Variants in PEG3 observed in about 807,000 individuals in gnomAD.
PEG3 encodes paternally-expressed gene 3 protein.
A neutral mutation model predicts 35.5 loss-of-function variants in PEG3; 23 were observed. The observed-to-expected ratio is 0.65, with a 90% CI of 0.47 to 0.92. The LOEUF (loss-of-function observed/expected upper bound fraction) is 0.92. PEG3 is among the 40% of genes least tolerant of loss of function. The probability of loss-of-function intolerance (pLI) is 0.00; values close to 1 mark genes in which losing one functional copy is unlikely to be tolerated. For synonymous variants in PEG3, 707 were observed against 697.0 expected, an observed-to-expected ratio of 1.01 and a Z score of -0.23; for missense variants, 1,960 against 1,985.3, an observed-to-expected ratio of 0.99 and a Z score of 0.24.
chr19:56,818,746 C>T (rs781256905), intron 7 of PEG3, 44 bp from the exon 8 acceptor site: 11 of 1,598,078 alleles, frequency 6.9e-6, no homozygotes, highest in South Asian at 3.3e-5. Flanking sequence ...CTGTCCCCAC[C>T]GATGTTCAAA....
rs759967828 is a variant in PEG3, at chr19:56,823,697, G to A, written c.395-18C>T. ...GTTGTCGTCTAAGAGGACACCGGTC[G>A]CCAAGTTACTATCTCTGGCCCACAT... On this transcript the variant is annotated intron_variant, in intron 4 of 9. Coordinates refer to ENST00000326441, the MANE Select transcript of PEG3 (RefSeq NM_006210.3). The A allele has an allele frequency of 1.2e-5, 19 of 1,613,806 alleles. No homozygotes were observed. The highest frequency in any genetic ancestry group is 2.2e-5 in the South Asian group (2 of 91,080).
chr19:56,824,186 A>C (rs1173257510), intron 4 of PEG3, 76 bp downstream of exon 4: 3 of 1,559,484 alleles, frequency 1.9e-6, no homozygotes, highest in Non-Finnish European at 2.6e-6. Flanking sequence ...AGACCATGTC[A>C]GAAGTGTGGA....
rs1480362830 is a variant in PEG3 at position 56,835,241 on chromosome 19, C to T, written c.-163+777G>A. Among the ~76,000 whole-genome samples, 4 of 152,204 alleles carry T rather than the reference C, an allele frequency of 2.6e-5. No homozygotes were observed. In the East Asian group the frequency reaches 7.7e-4, roughly 29 times the overall value. On this transcript the variant is annotated intron_variant, in intron 2 of 9. Coordinates refer to ENST00000326441, the MANE Select transcript of PEG3 (RefSeq NM_006210.3). ...AACCACAAATCTGATTATCATGATA[C>T]TCCCATGGTTAAAAGCACTTCCCGC...
chr19:56,840,535 A>C (rs1601376954), intron 1 of PEG3, 47 bp downstream of exon 1: 1 of 152,244 alleles, frequency 6.6e-6, no homozygotes. Flanking sequence ...CGCGACACCA[A>C]GGTCCCGCGG....
Position 56,815,474 on chromosome 19 carries a change from TC to T in PEG3, c.2967del (p.Ile990PhefsTer155). On this transcript the variant is annotated frameshift_variant, in exon 10 of 10. Transcript: ENST00000326441. LOFTEE classifies it low-confidence loss of function (END_TRUNC). Reference protein sequence around the residue: ...AHSSDLTEHQKIHDREKPSGS... With the variant: ...AHSSDLTEHQXIHDREKPSGS... ...CCAGAGGGCTTCTCCCTATCATGAA[TC>T]TTCTGGTGCTCAGTGAGGTCAGAGC... 1 of 1,614,114 alleles carries T rather than the reference TC, an allele frequency of 6.2e-7. No individual in the cohort carries two copies. Among genetic ancestry groups the T allele is most frequent in the Non-Finnish European group, 8.5e-7 (1 of 1,179,998 alleles).
Position 56,817,179 on chromosome 19 carries a change from C to T in PEG3, c.1263G>A (p.Glu421=). 6.2e-7 allele frequency: 1 copy of T among 1,614,234 alleles called. No homozygotes were observed. Among genetic ancestry groups the T allele is most frequent in the Non-Finnish European group, 8.5e-7 (1 of 1,180,036 alleles). The part of the protein sequence containing the change: ...PRKKPFECGS[E]MRKAMSVSSL... ...TGCTCACGCTCATGGCTTTTCTCAT[C>T]TCACTACCACATTCAAAGGGCTTCT... The change falls in exon 10 of 10, where the codon GAG becomes GAA. Residue 421 remains glutamate (E), a synonymous_variant. Coordinates refer to ENST00000326441, the MANE Select transcript of PEG3 (RefSeq NM_006210.3).
chr19:56,832,799 A>C (rs1461614272), intron 2 of PEG3, among the ~76,000 whole-genome samples: 1 of 152,212 alleles, frequency 6.6e-6, no homozygotes, highest in African/African-American at 2.4e-5. Flanking sequence ...CTAGATGTCT[A>C]AACATGAAAC....
At chr19:56,823,193 G>A (rs2060669376) in intron 5 of PEG3, among the ~76,000 whole-genome samples, 1 of 152,086 alleles carries the variant, frequency 6.6e-6, no homozygotes, top group Admixed American at 6.5e-5. Context: ...CGATCTTAAA[G>A]TACACGTTAT....
rs550136201 is a variant in PEG3 at position 56,813,402 on chromosome 19, T to A, written c.*273A>T. The A allele has an allele frequency of 1.6e-6, 2 of 1,257,826 alleles. No individual in the cohort carries two copies. Among genetic ancestry groups the A allele is most frequent in the African/African-American group, 3.0e-5 (2 of 67,248 alleles). The allele number at this position is 1,257,826 out of a possible 1,614,324, so 77.9% of individuals were successfully genotyped here. A position where few individuals can be genotyped will look rare whatever the true frequency, so the allele number is the denominator to read the frequency against. On this transcript the variant is annotated 3_prime_UTR_variant, in exon 10 of 10. Coordinates refer to ENST00000326441, the MANE Select transcript of PEG3 (RefSeq NM_006210.3). ...GGGCAAACTCTGTAGTCTGGAATACTCATAGGGTTTTCTCAATCTGATTAC... is the reference window on the plus strand; with the variant it reads ...GGGCAAACTCTGTAGTCTGGAATACACATAGGGTTTTCTCAATCTGATTAC...
In PEG3 at chr19:56,822,943, A is replaced by G. The variant is rs2060640961; in HGVS notation, c.482-107T>C. On this transcript the variant is annotated intron_variant, in intron 5 of 9. Transcript: ENST00000326441. ...GAAAGAGATGCTACCCTCTTCCCAC[A>G]AGGAGATGGATCCAAAACAGAGAGC... is the stretch of plus-strand genomic sequence containing the variant. 4.9e-6 allele frequency: 7 copies of G among 1,432,926 alleles called. No homozygotes were observed. In the South Asian group the frequency reaches 8.8e-5, roughly 18 times the overall value. 88.8% of individuals were successfully genotyped at this position (1,432,926 alleles called of 1,614,324 possible). A position where few individuals can be genotyped will look rare whatever the true frequency, so the allele number is the denominator to read the frequency against.
chr19:56,829,641 A>G (rs1451090718), intron 2 of PEG3, among the ~76,000 whole-genome samples: 2 of 152,240 alleles, frequency 1.3e-5, no homozygotes, highest in African/African-American at 4.8e-5. Context: ...GGTGGGCCAT[A>G]TGCAATGAGG....
chr19:56,829,941 C>T (rs932155281), intron 2 of PEG3, among the ~76,000 whole-genome samples: 2 of 152,218 alleles, frequency 1.3e-5, no homozygotes, highest in Non-Finnish European at 1.5e-5. Context: ...ACAGAAGATA[C>T]GTGTTTGCAG....
chr19:56,827,888 A>G (rs988819302), intron 2 of PEG3, among the ~76,000 whole-genome samples: 4 of 152,220 alleles, frequency 2.6e-5, no homozygotes, highest in Non-Finnish European at 4.4e-5. Context: ...AGAAGGATAT[A>G]TAAGAGACTA....
rs750773551 is a variant in PEG3 at position 56,836,033 on chromosome 19, T to G, written c.-178A>C. 2.0e-6 allele frequency: 1 copy of G among 511,960 alleles called. No homozygotes were observed. Among genetic ancestry groups the G allele is most frequent in the Admixed American group, 2.0e-5 (1 of 50,784 alleles). The allele number at this position is 511,960 out of a possible 1,614,324, so 31.7% of individuals were successfully genotyped here. On this transcript the variant is annotated 5_prime_UTR_variant, in exon 2 of 10. Coordinates refer to ENST00000326441, the MANE Select transcript of PEG3 (RefSeq NM_006210.3). ...TTCAACTCACCTGGACCCAGCCACC[T>G]AGCGTTTGGACCTAGTCCCTCTTCC...
chr19:56,816,605 C>G lies in PEG3; in HGVS notation c.1837G>C (p.Ala613Pro), dbSNP rs779661784. Reference protein sequence around the residue: ...ERGETFRPSPALNEFQKMYGK... With the variant: ...ERGETFRPSPPLNEFQKMYGK... ...TACATTTTCTGAAACTCATTAAGGG[C>G]TGGGCTGGGCCTAAAGGTTTCCCCG... The change falls in exon 10 of 10, where the codon GCC (alanine) becomes CCC (proline). Residue 613 changes from alanine (A) to proline (P), a missense_variant. Physicochemically the swap from Ala to Pro is conservative, Grantham distance 27. This residue lies in a region of PEG3 where 798 missense variants were observed against 782.4 expected (regional missense o/e 1.02). Coordinates refer to ENST00000326441, the MANE Select transcript of PEG3 (RefSeq NM_006210.3). The G allele has an allele frequency of 1.2e-6, 2 of 1,613,792 alleles. No homozygotes were observed. Among genetic ancestry groups the G allele is most frequent in the African/African-American group, 1.3e-5 (1 of 74,916 alleles).
Position 56,836,044 on chromosome 19 carries a change from C to A in PEG3, c.-189G>T. On this transcript the variant is annotated 5_prime_UTR_variant, in exon 2 of 10. Coordinates refer to ENST00000326441, the MANE Select transcript of PEG3 (RefSeq NM_006210.3). Reference sequence around the variant, plus strand: ...TGGACCCAGCCACCTAGCGTTTGGACCTAGTCCCTCTTCCTCTCGCCAGTC... The same window carrying A: ...TGGACCCAGCCACCTAGCGTTTGGAACTAGTCCCTCTTCCTCTCGCCAGTC... 2.0e-6 allele frequency: 1 copy of A among 510,734 alleles called. No homozygotes were observed. The highest frequency in any genetic ancestry group is 2.0e-5 in the Admixed American group (1 of 50,576). The allele number at this position is 510,734 out of a possible 1,614,324, so 31.6% of individuals were successfully genotyped here.
At chr19:56,818,577 G>A (rs2060197128) in intron 8 of PEG3, 23 bp downstream of exon 8, 1 of 1,613,204 alleles carries the variant, frequency 6.2e-7, no homozygotes, top group Non-Finnish European at 8.5e-7. Flanking sequence ...GACTGGGAGT[G>A]ACTGAGAGAA....
intron 1 of PEG3, among the ~76,000 whole-genome samples, chr19:56,836,551 G>A (rs1364776266): frequency 2.6e-5 from 4 of 152,188 alleles, no homozygotes; most frequent in African/African-American, 7.2e-5. Context: ...AAGTCCCACT[G>A]CACCTCAGAG....
intron 1 of PEG3, among the ~76,000 whole-genome samples, chr19:56,840,304 G>A (rs1315350902): frequency 1.3e-5 from 2 of 152,156 alleles, no homozygotes; most frequent in Non-Finnish European, 2.9e-5. Context: ...CTCAGACCCC[G>A]GACTGCAAGA....
Sources: allele counts gnomAD v4.1 joint callset (sites outside exome capture counted in the v4.1 genomes callset), GRCh38; gene constraint gnomAD v4.1.1; regional missense constraint gnomAD v4.1.1; transcripts MANE v1.5; gene names NCBI Gene and HGNC (gene_info 2026-07-23, HGNC 2026-07-21).